MED6: variants seen among roughly 807,000 people sequenced by gnomAD.
The protein encoded by MED6 is mediator of RNA polymerase II transcription subunit 6.
In MED6, 33 loss-of-function variants were observed where a neutral mutation model predicts 37.5. That is an observed-to-expected ratio of 0.88 (90% CI 0.67 to 1.18). The LOEUF (loss-of-function observed/expected upper bound fraction) is 1.18. Among genes scored for constraint, MED6 ranks in the 50% most tolerant of loss-of-function variants. The pLI, the probability that MED6 is intolerant of heterozygous loss-of-function variation, is 0.00. For synonymous variants in MED6, 94 were observed against 93.6 expected (o/e 1.00, Z -0.02); for missense variants, 235 against 290.6 (o/e 0.81, Z 1.39).
Position 70,584,694 on chromosome 14 carries a change from TAAGCGCATTCCATACA to T in MED6, c.*103_*118del. Reference sequence around the variant, plus strand: ...TCCGGCCTAATATCCTTTCAAAAAATAAGCGCATTCCATACAAATAAGAAGGTTACAATAAAGTACT... The same window carrying T: ...TCCGGCCTAATATCCTTTCAAAAAATAATAAGAAGGTTACAATAAAGTACT... On this transcript the variant is annotated 3_prime_UTR_variant, in exon 8 of 8. Transcript: ENST00000256379. The T allele has an allele frequency of 1.5e-6, 2 of 1,319,514 alleles. No homozygotes were observed. Among genetic ancestry groups the T allele is most frequent in the Middle Eastern group, 2.2e-4 (1 of 4,474 alleles). 81.7% of individuals were successfully genotyped at this position (1,319,514 alleles called of 1,614,324 possible).
Position 70,600,613 on chromosome 14 carries a change from T to C in MED6, c.22+3A>G. Reference sequence around the variant, plus strand: ...AGAGACAAAATATAGCAATACAGTATACCTCGGATATCCACCGCCGCCATA... The same window carrying C: ...AGAGACAAAATATAGCAATACAGTACACCTCGGATATCCACCGCCGCCATA... On this transcript the variant is annotated splice_donor_region_variant and intron_variant, in intron 1 of 7. Coordinates refer to ENST00000256379, the MANE Select transcript of MED6 (RefSeq NM_005466.4). The C allele has an allele frequency of 6.2e-7, 1 of 1,613,270 alleles. No individual in the cohort carries two copies.
At chr14:70,594,009 C>G (rs1012046832) in intron 3 of MED6, among the ~76,000 whole-genome samples, 1 of 152,186 alleles carries the variant, frequency 6.6e-6, no homozygotes, top group Non-Finnish European at 1.5e-5. Context: ...TTCTAAGGTT[C>G]TCTTTTACTC....
intron 5 of MED6, chr14:70,592,478 C>CTTTTTTTTTTTTTTTTTTTTTT (rs201036704): frequency 2.3e-5 from 2 of 88,858 alleles, no homozygotes; most frequent in African/African-American, 1.2e-4. Flanking sequence ...TCCTATGTTC[C>CTTTTTTTTTTTTTTTTTTTTTT]TTTTTTTTTT....
chr14:70,595,588 A>G (rs1422334354), intron 3 of MED6: 35 of 726,946 alleles, frequency 4.8e-5, no homozygotes, highest in Non-Finnish European at 8.2e-5. Flanking sequence ...GAGCTGGCAC[A>G]GGCCGGGGCA....
intron 4 of MED6, 126 bp from the exon 5 acceptor site, chr14:70,593,114 T>C (rs1387611125): frequency 1.5e-6 from 2 of 1,367,132 alleles, no homozygotes; most frequent in Admixed American, 2.1e-5. Flanking sequence ...TACTATATAA[T>C]TGAGACTATG....
chr14:70,593,071 G>A, intron 4 of MED6, 83 bp from the exon 5 acceptor site: 1 of 1,557,792 alleles, frequency 6.4e-7, no homozygotes, highest in Non-Finnish European at 8.8e-7. Context: ...TATTACATAT[G>A]CAAAGACAGA....
At position 70,584,087 on chromosome 14, in the gene MED6, CAAAATGTCAGCAACTGTTTATTTT is replaced by C. The variant is rs1884625498; in HGVS notation, c.*702_*725del. On this transcript the variant is annotated 3_prime_UTR_variant, in exon 8 of 8. Transcript: ENST00000256379. ...GAGGTTTTTCCTTTTCTTCATCTTC[CAAAATGTCAGCAACTGTTTATTTT>C]AATACTGAGGATTATGTAACTGAAC... 7 of 648,996 alleles carry C rather than the reference CAAAATGTCAGCAACTGTTTATTTT, an allele frequency of 1.1e-5. No homozygotes were observed. In the South Asian group the frequency reaches 1.3e-4, roughly 12 times the overall value. The allele number at this position is 648,996 out of a possible 1,614,324, so 40.2% of individuals were successfully genotyped here.
At chr14:70,587,992 CA>C (rs2139590280) in intron 6 of MED6, among the ~76,000 whole-genome samples, 1 of 152,298 alleles carries the variant, frequency 6.6e-6, no homozygotes, top group African/African-American at 2.4e-5. Flanking sequence ...ACCACAAGCC[CA>C]ACTGCTCGAT....
Position 70,596,592 on chromosome 14 carries a change from T to C in MED6, c.274+19A>G, listed in dbSNP as rs1197866531. 3 of 1,578,340 alleles carry C rather than the reference T, an allele frequency of 1.9e-6. No individual in the cohort carries two copies. The highest frequency in any genetic ancestry group is 2.6e-6 in the Non-Finnish European group (3 of 1,151,042). On this transcript the variant is annotated intron_variant, in intron 3 of 7. Coordinates refer to ENST00000256379, the MANE Select transcript of MED6 (RefSeq NM_005466.4). ...GGTATTTTAAAAAGAAAACAATGCC[T>C]AAAGTTTACACATTTTACCTTGGGC...
At chr14:70,585,654 G>T in intron 7 of MED6, 102 bp downstream of exon 7, 1 of 1,022,698 alleles carries the variant, frequency 9.8e-7, no homozygotes, top group Non-Finnish European at 1.4e-6. Context: ...AGCTCTAGAA[G>T]GACAAAATGA....
At chr14:70,586,714 T>C (rs916931952) in intron 6 of MED6, among the ~76,000 whole-genome samples, 2 of 152,230 alleles carry the variant, frequency 1.3e-5, no homozygotes, top group Non-Finnish European at 2.9e-5. Flanking sequence ...TACAAAATTT[T>C]CTGATATTAC....
In MED6 at chr14:70,596,618, A is replaced by AGGG; in HGVS notation, c.264_266dup (p.Pro89dup). ...AAAGTTTACACATTTTACCTTGGGC[A>AGGG]GGGGACTGCCGCTGTTGCTTCCGAA... On this transcript the variant is annotated inframe_insertion, in exon 3 of 8. Coordinates refer to ENST00000256379, the MANE Select transcript of MED6 (RefSeq NM_005466.4). The AGGG allele has an allele frequency of 6.2e-7, 1 of 1,611,876 alleles. No individual in the cohort carries two copies. The highest frequency in any genetic ancestry group is 8.5e-7 in the Non-Finnish European group (1 of 1,178,058).
chr14:70,591,236 A>G, intron 6 of MED6, 30 bp downstream of exon 6: 1 of 1,513,656 alleles, frequency 6.6e-7, no homozygotes, highest in Non-Finnish European at 9.1e-7. Context: ...GAAGTGTCAA[A>G]TCAAGATTAA....
rs762749752 is a variant in MED6, at chr14:70,600,606, T to C, written c.22+10A>G. The stretch of plus-strand genomic sequence containing the variant: ...ACAATCAAGAGACAAAATATAGCAA[T>C]ACAGTATACCTCGGATATCCACCGC... On this transcript the variant is annotated intron_variant, in intron 1 of 7. Coordinates refer to ENST00000256379, the MANE Select transcript of MED6 (RefSeq NM_005466.4). The C allele has an allele frequency of 3.1e-6, 5 of 1,612,906 alleles. No homozygotes were observed. The highest frequency in any genetic ancestry group is 1.3e-5 in the African/African-American group (1 of 74,432).
intron 4 of MED6, 71 bp downstream of exon 4, chr14:70,593,224 AG>A (rs1884937232): frequency 1.5e-6 from 2 of 1,360,024 alleles, no homozygotes; most frequent in African/African-American, 2.9e-5. Flanking sequence ...GAGGAGCTCT[AG>A]TTTGATTACT....
At chr14:70,586,776 T>A (rs1203132459) in intron 6 of MED6, among the ~76,000 whole-genome samples, 1 of 152,136 alleles carries the variant, frequency 6.6e-6, no homozygotes, top group Non-Finnish European at 1.5e-5. Flanking sequence ...CAACTGCAAG[T>A]CCTGGGAATC....
Position 70,592,939 on chromosome 14 carries a change from T to C in MED6, c.407A>G (p.Tyr136Cys). The change falls in exon 5 of 8, where the codon TAC becomes TGC. Residue 136 changes from tyrosine (Y) to cysteine (C), a missense_variant. Coordinates refer to ENST00000256379, the MANE Select transcript of MED6 (RefSeq NM_005466.4). ...CCCTTTGGAAGGATGATATCGACAG[T>C]ATGACATAGCTTCATCAAAAGCTGA... ...IQSAFDEAMS[Y>C]CRYHPSKGYW... 2 of 1,613,966 alleles carry C rather than the reference T, an allele frequency of 1.2e-6. No individual in the cohort carries two copies. The highest frequency in any genetic ancestry group is 1.7e-6 in the Non-Finnish European group (2 of 1,179,898).
In MED6 at chr14:70,597,863, T is replaced by G. The variant is rs1484888788; in HGVS notation, c.23-86A>C. The stretch of plus-strand genomic sequence containing the variant: ...AACATTTATTATACATCAAATGTAG[T>G]AGGCACTATGAATATAAGGATGACA... On this transcript the variant is annotated intron_variant, in intron 1 of 7. Transcript: ENST00000256379. 3 of 1,088,076 alleles carry G rather than the reference T, an allele frequency of 2.8e-6. No individual in the cohort carries two copies. In the East Asian group the frequency reaches 8.6e-5, roughly 31 times the overall value. 67.4% of individuals were successfully genotyped at this position (1,088,076 alleles called of 1,614,324 possible).
At chr14:70,587,888 GA>G (rs1884755895) in intron 6 of MED6, among the ~76,000 whole-genome samples, 1 of 152,176 alleles carries the variant, frequency 6.6e-6, no homozygotes, top group East Asian at 1.9e-4. Flanking sequence ...GCAGTAACAA[GA>G]ATTAAAATAT....
Sources: allele counts gnomAD v4.1 joint callset (sites outside exome capture counted in the v4.1 genomes callset), GRCh38; gene constraint gnomAD v4.1.1; transcripts MANE v1.5; gene names NCBI Gene and HGNC (gene_info 2026-07-23, HGNC 2026-07-21).